CCDC25: variants seen among roughly 807,000 people sequenced by gnomAD.
The protein encoded by CCDC25 is coiled-coil domain containing 25, also known as coiled-coil domain-containing protein 25.
Under a neutral mutation model 35.3 loss-of-function variants are expected in CCDC25, and 16 were observed. The ratio of observed to expected loss-of-function variants is 0.45; its 90% CI spans 0.31 to 0.69. CCDC25 has a LOEUF of 0.69. Among genes scored for constraint, CCDC25 ranks in the 30% least tolerant of loss-of-function variants. CCDC25 has a pLI of 0.06. For missense variants in CCDC25, 179 were observed against 250.7 expected (o/e 0.71, Z 1.93); for synonymous variants, 79 against 80.3 (o/e 0.98, Z 0.09).
chr8:27,751,139 AT>A (rs2128940252), intron 5 of CCDC25, among the ~76,000 whole-genome samples: 1 of 152,352 alleles, frequency 6.6e-6, no homozygotes, highest in South Asian at 2.1e-4. Flanking sequence ...CTATGAAGAG[AT>A]TAAGAAGAAA....
chr8:27,755,205 G>A (rs1216441759), intron 4 of CCDC25, among the ~76,000 whole-genome samples: 1 of 152,178 alleles, frequency 6.6e-6, no homozygotes, highest in Admixed American at 6.5e-5. Flanking sequence ...CTAGAGCTGG[G>A]ACAGGGAAAA....
intron 2 of CCDC25, among the ~76,000 whole-genome samples, chr8:27,763,947 A>G (rs993665170): frequency 6.6e-6 from 1 of 152,268 alleles, no homozygotes; most frequent in African/African-American, 2.4e-5. Flanking sequence ...GCCAAAAGGT[A>G]AGCAAAAAAA....
At position 27,768,998 on chromosome 8, in the gene CCDC25, A is replaced by C. The variant is rs113722357; in HGVS notation, c.28+3515T>G. Reference sequence around the variant, plus strand: ...ACATTTTAGTCAGATATTAATCTTAAAATGTAAAAGAACAACTTCCTATGA... The same window carrying C: ...ACATTTTAGTCAGATATTAATCTTACAATGTAAAAGAACAACTTCCTATGA... On this transcript the variant is annotated intron_variant, in intron 1 of 8. Coordinates refer to ENST00000356537, the MANE Select transcript of CCDC25 (RefSeq NM_018246.3). Among the ~76,000 whole-genome samples the C allele has an allele frequency of 7.9e-3, 1,198 of 152,362 alleles. 14 individuals are homozygous for C. The highest frequency in any genetic ancestry group is 0.027 in the African/African-American group (1,134 of 41,588).
intron 1 of CCDC25, among the ~76,000 whole-genome samples, chr8:27,770,326 T>C (rs116112927): frequency 0.035 from 5,359 of 151,744 alleles, 122 homozygotes; most frequent in African/African-American, 0.063. Flanking sequence ...CCTGTAATCC[T>C]AGCTGTACCA....
At chr8:27,769,770 A>G (rs918101323) in intron 1 of CCDC25, among the ~76,000 whole-genome samples, 2 of 152,232 alleles carry the variant, frequency 1.3e-5, no homozygotes, top group Admixed American at 1.3e-4. Context: ...AACTTCCCTG[A>G]GCCTCAATCT....
At chr8:27,743,126 AG>A (rs1408679394) in intron 7 of CCDC25, among the ~76,000 whole-genome samples, 2 of 152,164 alleles carry the variant, frequency 1.3e-5, no homozygotes. Context: ...AGTCATTCTT[AG>A]CCCCCTTTTC....
chr8:27,747,666 T>G (rs1298954634), intron 7 of CCDC25: 1 of 178,590 alleles, frequency 5.6e-6, no homozygotes, highest in Non-Finnish European at 1.2e-5. Context: ...TAAAAAAGAG[T>G]TTTAAAAACA....
intron 7 of CCDC25, among the ~76,000 whole-genome samples, chr8:27,747,321 A>G (rs905396650): frequency 5.3e-5 from 8 of 152,214 alleles, no homozygotes; most frequent in African/African-American, 1.9e-4. Context: ...GGCTGTGACC[A>G]TGGAAAGCTT....
In CCDC25 at chr8:27,735,196, CAG is replaced by C. The variant is rs140727139; in HGVS notation, c.*1018_*1019del. 7.2e-5 allele frequency: 11 copies of C among 152,676 alleles called. No individual in the cohort carries two copies. The highest frequency in any genetic ancestry group is 3.9e-4 in the East Asian group (2 of 5,182). The allele number at this position is 152,676 out of a possible 1,614,324, so 9.5% of individuals were successfully genotyped here. ...AAAATTTGGCCAGTGAGTTTTGCCT[CAG>C]GGAATTTTCCAGTTCAACCCCATAC... On this transcript the variant is annotated 3_prime_UTR_variant, in exon 9 of 9. Transcript: ENST00000356537.
chr8:27,751,376 C>T (rs1803799120), intron 5 of CCDC25, among the ~76,000 whole-genome samples: 1 of 152,212 alleles, frequency 6.6e-6, no homozygotes, highest in Non-Finnish European at 1.5e-5. Context: ...AAATGTATTA[C>T]AATTTGTTAA....
chr8:27,751,808 C>CA (rs1444840511), intron 5 of CCDC25, among the ~76,000 whole-genome samples: 26 of 152,190 alleles, frequency 1.7e-4, no homozygotes, highest in Admixed American at 1.7e-3. Flanking sequence ...TGAAATCTTG[C>CA]ATAGCAGAAA....
chr8:27,746,999 C>CT (rs767186279), intron 7 of CCDC25, among the ~76,000 whole-genome samples: 3 of 152,068 alleles, frequency 2.0e-5, no homozygotes, highest in African/African-American at 4.8e-5. Context: ...ATAAGTAACT[C>CT]TTTTTTCTTT....
rs1490475511 is a variant in CCDC25, at chr8:27,739,511, TA to T, written c.597+960del. Among the ~76,000 whole-genome samples the T allele has an allele frequency of 8.6e-5, 13 of 151,494 alleles. No homozygotes were observed. In the East Asian group the frequency reaches 1.7e-3, roughly 20 times the overall value. ...AAAATATTTAGAGGAAAAAAACAATTAAAAAAATACAATAAAAATAATATAA... is the reference window on the plus strand; with the variant it reads ...AAAATATTTAGAGGAAAAAAACAATTAAAAAATACAATAAAAATAATATAA... On this transcript the variant is annotated intron_variant, in intron 8 of 8. Transcript: ENST00000356537.
In CCDC25 at chr8:27,734,130, T is replaced by A. The variant is rs1373119083; in HGVS notation, c.*2086A>T. 6.6e-6 allele frequency: 1 copy of A among 152,232 alleles called. No individual in the cohort carries two copies. Among genetic ancestry groups the A allele is most frequent in the East Asian group, 1.9e-4 (1 of 5,206 alleles). 9.4% of individuals were successfully genotyped at this position (152,232 alleles called of 1,614,324 possible). ...GCCTTTCAATAAACTTCTCAACATC[T>A]GTGTTGGTAAACTTCTCAATATTTG... is the stretch of plus-strand genomic sequence containing the variant. On this transcript the variant is annotated 3_prime_UTR_variant, in exon 9 of 9. Transcript: ENST00000356537.
intron 3 of CCDC25, among the ~76,000 whole-genome samples, chr8:27,761,072 T>C (rs1476095929): frequency 6.6e-6 from 1 of 151,670 alleles, no homozygotes; most frequent in African/African-American, 2.4e-5. Context: ...GAGGTTACAG[T>C]GAGCCGAGAT....
intron 2 of CCDC25, among the ~76,000 whole-genome samples, 157 bp from the exon 3 acceptor site, chr8:27,762,615 A>C (rs891074035): frequency 4.8e-4 from 73 of 152,282 alleles, no homozygotes; most frequent in Non-Finnish European, 6.6e-4. Flanking sequence ...AAAATACAGA[A>C]AAAATAATAA....
chr8:27,742,345 A>AAAACAAAC (rs59747412), intron 7 of CCDC25, among the ~76,000 whole-genome samples: 7 of 151,736 alleles, frequency 4.6e-5, no homozygotes, highest in African/African-American at 7.3e-5. Flanking sequence ...AAACAAAACA[A>AAAACAAAC]AAACAAACAA....
intron 4 of CCDC25, chr8:27,752,968 G>A (rs914440211): frequency 6.0e-5 from 10 of 166,848 alleles, no homozygotes; most frequent in Admixed American, 1.9e-4. Context: ...GGATGTCTTC[G>A]TGGCCGAGGT....
chr8:27,763,483 T>G (rs972308047), intron 2 of CCDC25, among the ~76,000 whole-genome samples: 2 of 152,198 alleles, frequency 1.3e-5, no homozygotes, highest in African/African-American at 4.8e-5. Context: ...TTTGGGAGGC[T>G]GAGGCGAGCA....
Sources: allele counts gnomAD v4.1 joint callset (sites outside exome capture counted in the v4.1 genomes callset), GRCh38; gene constraint gnomAD v4.1.1; transcripts MANE v1.5; gene names NCBI Gene and HGNC (gene_info 2026-07-23, HGNC 2026-07-21).